SGSM2: variants seen among roughly 807,000 people sequenced by gnomAD.
SGSM2 encodes the protein small G protein signaling modulator 2.
In SGSM2, 89 loss-of-function variants were observed where a neutral mutation model predicts 126.6. That is an observed-to-expected ratio of 0.70 (90% CI 0.59 to 0.84). The LOEUF is 0.84. Among genes scored for constraint, SGSM2 ranks in the 40% least tolerant of loss-of-function variants. SGSM2 has a pLI of 0.00. For missense variants in SGSM2, 1,404 were observed against 1,416.6 expected, an observed-to-expected ratio of 0.99 and a Z score of 0.14; for synonymous variants, 614 against 574.3, an observed-to-expected ratio of 1.07 and a Z score of -0.99.
chr17:2,372,770 C>G lies in SGSM2; in HGVS notation c.1789-183C>G, dbSNP rs565116112. The G allele has an allele frequency of 1.1e-6, 1 of 874,958 alleles. No homozygotes were observed. Among genetic ancestry groups the G allele is most frequent in the Non-Finnish European group, 1.7e-6 (1 of 583,010 alleles). The allele number at this position is 874,958 out of a possible 1,614,324, so 54.2% of individuals were successfully genotyped here. On this transcript the variant is annotated intron_variant, in intron 15 of 23. Coordinates refer to ENST00000268989, the MANE Select transcript of SGSM2 (RefSeq NM_014853.3). The surrounding 1 kb of genome is among the most constrained non-coding windows in gnomAD (Gnocchi z 6.0). Reference sequence around the variant, plus strand: ...TGCCCCTTAAGGAAGGAGAGCAGAACGAGATCTCATCCCACTGTGAGCTGG... The same window carrying G: ...TGCCCCTTAAGGAAGGAGAGCAGAAGGAGATCTCATCCCACTGTGAGCTGG...
In SGSM2 at chr17:2,372,434, G is replaced by C. The variant is rs374117754; in HGVS notation, c.1734G>C (p.Gly578=). 2.6e-4 allele frequency: 414 copies of C among 1,598,016 alleles called. 2 individuals carry two copies. The East Asian group carries it at 7.3e-3, about 28-fold the overall frequency. Residue 578 remains glycine, a synonymous_variant, in exon 15 of 24, where the codon GGG becomes GGC. Transcript: ENST00000268989. The surrounding 1 kb of genome is among the most constrained non-coding windows in gnomAD (Gnocchi z 6.0). ...HSVIPPDRPP[G]ASAGLTKDVW... ...TTATCCCACCTGACCGGCCCCCGGGGGCCTCCGCGGGCCTCACCAAGGACG... is the reference window on the plus strand; with the variant it reads ...TTATCCCACCTGACCGGCCCCCGGGCGCCTCCGCGGGCCTCACCAAGGACG...
intron 2 of SGSM2, among the ~76,000 whole-genome samples, chr17:2,344,560 A>G (rs1317527009): frequency 6.6e-6 from 1 of 152,160 alleles, no homozygotes; most frequent in Non-Finnish European, 1.5e-5. Flanking sequence ...GGTGCCAGAC[A>G]CCGTTCACCG....
Position 2,372,210 on chromosome 17 carries a change from G to T in SGSM2, c.1598G>T (p.Cys533Phe). 1 of 1,613,300 alleles carries T rather than the reference G, an allele frequency of 6.2e-7. No homozygotes were observed. The highest frequency in any genetic ancestry group is 8.5e-7 in the Non-Finnish European group (1 of 1,179,782). Residue 533 changes from cysteine to phenylalanine, a missense_variant, in exon 14 of 24, where the codon TGT becomes TTT. Physicochemically the swap from Cys to Phe is radical, Grantham distance 205. Coordinates refer to ENST00000268989, the MANE Select transcript of SGSM2 (RefSeq NM_014853.3). The surrounding 1 kb of genome is among the most constrained non-coding windows in gnomAD (Gnocchi z 6.0). ...CACAGGTTGCCGCTCAGGCTACTGT[G>T]TGAGAGTATGAAGAGGCAGATCGTG... ...IPDRLPLRLL[C>F]ESMKRQIVSR...
intron 2 of SGSM2, among the ~76,000 whole-genome samples, chr17:2,346,524 G>A (rs1275614389): frequency 1.3e-5 from 2 of 152,196 alleles, no homozygotes; most frequent in African/African-American, 2.4e-5. Flanking sequence ...CCAACGGGAG[G>A]GGCAAGACTC....
intron 2 of SGSM2, among the ~76,000 whole-genome samples, chr17:2,352,223 G>C (rs909565057): frequency 1.2e-4 from 18 of 152,142 alleles, no homozygotes; most frequent in African/African-American, 4.3e-4. Context: ...GCTCCTCTCC[G>C]GCATTGTTGG....
intron 2 of SGSM2, among the ~76,000 whole-genome samples, chr17:2,360,358 T>C (rs1395370962): frequency 1.3e-5 from 2 of 151,876 alleles, no homozygotes; most frequent in South Asian, 2.1e-4. Context: ...AAAATAAAAA[T>C]AAAAAAACCT....
At chr17:2,349,340 A>C (rs1187426532) in intron 2 of SGSM2, among the ~76,000 whole-genome samples, 1 of 151,482 alleles carries the variant, frequency 6.6e-6, no homozygotes, top group Non-Finnish European at 1.5e-5. Context: ...GTGCTGCTGC[A>C]CTCCAGCCTG....
intron 1 of SGSM2, among the ~76,000 whole-genome samples, chr17:2,342,934 G>A (rs1399895622): frequency 1.3e-5 from 2 of 152,076 alleles, no homozygotes; most frequent in Admixed American, 6.6e-5. Flanking sequence ...CCGAGATCAC[G>A]CCACTGTACT....
chr17:2,340,931 A>C (rs1567796136), intron 1 of SGSM2, among the ~76,000 whole-genome samples: 1 of 152,066 alleles, frequency 6.6e-6, no homozygotes, highest in Non-Finnish European at 1.5e-5. Flanking sequence ...GCAAGGAAAA[A>C]CAACAGGAAT....
chr17:2,340,673 CT>C (rs1010337746), intron 1 of SGSM2, among the ~76,000 whole-genome samples: 1 of 152,014 alleles, frequency 6.6e-6, no homozygotes, highest in African/African-American at 2.4e-5. Flanking sequence ...CAAGCTCCGC[CT>C]CCCGGGTTCA....
At chr17:2,371,209 C>T in intron 12 of SGSM2, 53 bp from the exon 13 acceptor site, 1 of 1,562,262 alleles carries the variant, frequency 6.4e-7, no homozygotes, top group Non-Finnish European at 8.6e-7. Context: ...GTGCAGGGTG[C>T]CTGGGAGAGA....
intron 2 of SGSM2, among the ~76,000 whole-genome samples, chr17:2,359,524 G>A (rs745408972): frequency 6.6e-6 from 1 of 152,126 alleles, no homozygotes; most frequent in Non-Finnish European, 1.5e-5. Flanking sequence ...AGGGACCGTG[G>A]GGTAAAGGGG....
At chr17:2,375,313 T>A (rs2066078271) in intron 17 of SGSM2, 179 bp from the exon 18 acceptor site, 1 of 703,598 alleles carries the variant, frequency 1.4e-6, no homozygotes, top group Admixed American at 3.2e-5. Flanking sequence ...CTTGTTTCTC[T>A]CCGCCTGGCT....
At chr17:2,342,354 T>G (rs1263724534) in intron 1 of SGSM2, among the ~76,000 whole-genome samples, 1 of 149,788 alleles carries the variant, frequency 6.7e-6, no homozygotes, top group Non-Finnish European at 1.5e-5. Context: ...AACCCGGGAG[T>G]TGGAGGTTGC....
intron 12 of SGSM2, among the ~76,000 whole-genome samples, chr17:2,368,212 T>G (rs763483143): frequency 1.1e-4 from 16 of 152,150 alleles, no homozygotes; most frequent in Non-Finnish European, 2.2e-4. Flanking sequence ...CGTAGTGCCC[T>G]CAGCCTCTCA....
rs1010287356 is a variant in SGSM2, at chr17:2,377,797, G to A, written c.2803-60G>A. On this transcript the variant is annotated intron_variant, in intron 21 of 23. Coordinates refer to ENST00000268989, the MANE Select transcript of SGSM2 (RefSeq NM_014853.3). ...CCTGGGCGTGAGCGGACGGTGAGTG[G>A]CGGCCAGAGGCAGCATCGGCTCAGG... 3.5e-6 allele frequency: 4 copies of A among 1,131,298 alleles called. No homozygotes were observed. The Admixed American group carries it at 5.2e-5, about 15-fold the overall frequency. The allele number at this position is 1,131,298 out of a possible 1,614,324, so 70.1% of individuals were successfully genotyped here.
At chr17:2,373,559 C>T (rs757379896) in intron 17 of SGSM2, 46 bp downstream of exon 17, 14 of 1,535,926 alleles carry the variant, frequency 9.1e-6, no homozygotes, top group African/African-American at 5.5e-5. Context: ...GGGGGCCACC[C>T]GCGTTTTATG....
intron 19 of SGSM2, 27 bp from the exon 20 acceptor site, chr17:2,376,706 C>T: frequency 6.2e-7 from 1 of 1,611,956 alleles, no homozygotes; most frequent in Non-Finnish European, 8.5e-7. Context: ...GGGGCACAGC[C>T]ACAGTGACTC....
At chr17:2,359,643 C>T (rs776071082) in intron 2 of SGSM2, among the ~76,000 whole-genome samples, 48 of 152,162 alleles carry the variant, frequency 3.2e-4, no homozygotes, top group Non-Finnish European at 5.7e-4. Flanking sequence ...AGAGGCTGGC[C>T]GGGAAGGTAG....
Sources: allele counts gnomAD v4.1 joint callset (sites outside exome capture counted in the v4.1 genomes callset), GRCh38; gene constraint gnomAD v4.1.1; non-coding constraint Gnocchi (gnomAD v3.1); transcripts MANE v1.5; gene names NCBI Gene and HGNC (gene_info 2026-07-23, HGNC 2026-07-21).